The following CANT1 variants were observed in gnomAD, a reference collection of about 807,000 sequenced individuals.
CANT1 encodes the protein calcium activated nucleotidase 1.
A neutral mutation model predicts 30.0 loss-of-function variants in CANT1; 26 were observed. That is an observed-to-expected ratio of 0.87 (90% confidence interval 0.64 to 1.20). CANT1 has a LOEUF of 1.20. CANT1 is among the 50% of genes most tolerant of loss of function. The pLI, the probability that CANT1 is intolerant of heterozygous loss-of-function variation, is 0.00. For missense variants in CANT1, 518 were observed against 563.0 expected (o/e 0.92, Z 0.81); for synonymous variants, 246 against 251.8 (o/e 0.98, Z 0.22).
At chr17:78,994,524 G>A (rs1489045309) in intron 4 of CANT1, among the ~76,000 whole-genome samples, 3 of 152,336 alleles carry the variant, frequency 2.0e-5, no homozygotes, top group East Asian at 3.9e-4. Context: ...AGGGCGAGTG[G>A]GGCAGGAAAG....
chr17:78,991,765 G>A lies in CANT1; in HGVS notation c.*1785C>T. 1 of 219,054 alleles carries A rather than the reference G, an allele frequency of 4.6e-6. No homozygotes were observed. Among genetic ancestry groups the A allele is most frequent in the African/African-American group, 2.2e-5 (1 of 44,626 alleles). 13.6% of individuals were successfully genotyped at this position (219,054 alleles called of 1,614,324 possible). A position where few individuals can be genotyped will look rare whatever the true frequency, so the allele number is the denominator to read the frequency against. ...TTTACAAAACAGATGGATCCCATAG[G>A]GAAGGAACACAATCATTATGCTGAC... is the stretch of plus-strand genomic sequence containing the variant. On this transcript the variant is annotated 3_prime_UTR_variant, in exon 5 of 5. Transcript: ENST00000392446.
In CANT1 at chr17:78,993,452, GCA is replaced by G; in HGVS notation, c.*96_*97del. ...CTCCCTGTCCAGACCTCCAACCCAG[GCA>G]CAGTTCCAAAAAGAACAAAACAAAA... On this transcript the variant is annotated 3_prime_UTR_variant, in exon 5 of 5. Coordinates refer to ENST00000392446, the MANE Select transcript of CANT1 (RefSeq NM_001159773.2). This position sits in a 1 kb window ranked among gnomAD's most constrained non-coding sequence, Gnocchi z 4.5. 6.4e-7 allele frequency: 1 copy of G among 1,563,092 alleles called. No homozygotes were observed. Among genetic ancestry groups the G allele is most frequent in the South Asian group, 1.1e-5 (1 of 88,116 alleles).
At position 78,996,945 on chromosome 17, in the gene CANT1, C is replaced by T. The variant is rs1325061744; in HGVS notation, c.631+47G>A. On this transcript the variant is annotated intron_variant, in intron 3 of 4. Transcript: ENST00000392446. The surrounding 1 kb of genome is among the most constrained non-coding windows in gnomAD (Gnocchi z 5.1). ...CTGTGTTTGCCAGCCAGGCCCTGAG[C>T]TCCCACTCCCCACCCACACCTCCAT... The T allele has an allele frequency of 3.7e-6, 6 of 1,610,030 alleles. No individual in the cohort carries two copies. Among genetic ancestry groups the T allele is most frequent in the Non-Finnish European group, 5.1e-6 (6 of 1,179,640 alleles).
At position 78,992,797 on chromosome 17, in the gene CANT1, G is replaced by C. The variant is rs745568057; in HGVS notation, c.*753C>G. 4.1e-6 allele frequency: 2 copies of C among 483,798 alleles called. No homozygotes were observed. Among genetic ancestry groups the C allele is most frequent in the South Asian group, 3.6e-5 (2 of 55,832 alleles). The allele number at this position is 483,798 out of a possible 1,614,324, so 30.0% of individuals were successfully genotyped here. The stretch of plus-strand genomic sequence containing the variant: ...CTGGGTAACTACAGGACTGTGCTCT[G>C]TGTGATAAGATTTGGTGATTCCACT... On this transcript the variant is annotated 3_prime_UTR_variant, in exon 5 of 5. Coordinates refer to ENST00000392446, the MANE Select transcript of CANT1 (RefSeq NM_001159773.2).
intron 1 of CANT1, among the ~76,000 whole-genome samples, chr17:79,004,129 AGGAGTTGGG>A (rs1568043693): frequency 3.2e-3 from 6 of 1,880 alleles, no homozygotes; most frequent in Admixed American, 7.9e-3. Flanking sequence ...AGTTAGGGAG[AGGAGTTGGG>A]GGGGAGTTAG....
In CANT1 at chr17:78,993,360, T is replaced by A. The variant is rs2070899144; in HGVS notation, c.*190A>T. The A allele has an allele frequency of 2.7e-6, 2 of 739,316 alleles. No homozygotes were observed. Among genetic ancestry groups the A allele is most frequent in the Non-Finnish European group, 4.5e-6 (2 of 448,852 alleles). 45.8% of individuals were successfully genotyped at this position (739,316 alleles called of 1,614,324 possible). ...CACCAGATGGCAGCATGGAAAGCAG[T>A]TCAGACCGCGGCCTCCGTGGGGCCC... On this transcript the variant is annotated 3_prime_UTR_variant, in exon 5 of 5. Coordinates refer to ENST00000392446, the MANE Select transcript of CANT1 (RefSeq NM_001159773.2). This position sits in a 1 kb window ranked among gnomAD's most constrained non-coding sequence, Gnocchi z 4.5.
intron 1 of CANT1, among the ~76,000 whole-genome samples, chr17:79,006,490 TC>T: frequency 6.6e-6 from 1 of 152,184 alleles, no homozygotes; most frequent in South Asian, 2.1e-4. Context: ...GGGGAGCTGT[TC>T]CTCCACCAAT....
At position 78,992,880 on chromosome 17, in the gene CANT1, C is replaced by A; in HGVS notation, c.*670G>T. 1 of 364,418 alleles carries A rather than the reference C, an allele frequency of 2.7e-6. No individual in the cohort carries two copies. The highest frequency in any genetic ancestry group is 5.3e-6 in the Non-Finnish European group (1 of 188,620). 22.6% of individuals were successfully genotyped at this position (364,418 alleles called of 1,614,324 possible). A position where few individuals can be genotyped will look rare whatever the true frequency, so the allele number is the denominator to read the frequency against. ...GGTTAATAATTAAAACTTCAAAGTA[C>A]TGCACAGCCACAGAATTTTCTTGAA... On this transcript the variant is annotated 3_prime_UTR_variant, in exon 5 of 5. Transcript: ENST00000392446.
rs997971885 is a variant in CANT1, at chr17:78,992,157, G to A, written c.*1393C>T. 1 of 232,738 alleles carries A rather than the reference G, an allele frequency of 4.3e-6. No homozygotes were observed. The highest frequency in any genetic ancestry group is 8.5e-6 in the Non-Finnish European group (1 of 117,754). The allele number at this position is 232,738 out of a possible 1,614,324, so 14.4% of individuals were successfully genotyped here. A position where few individuals can be genotyped will look rare whatever the true frequency, so the allele number is the denominator to read the frequency against. ...CTCCACTACCTATGACATAGCGGGG[G>A]AAAGAGACAACCATGAGAGAGGGGT... On this transcript the variant is annotated 3_prime_UTR_variant, in exon 5 of 5. Transcript: ENST00000392446.
Position 78,995,347 on chromosome 17 carries a change from C to T in CANT1, c.632-126G>A. 1.9e-6 allele frequency: 2 copies of T among 1,040,488 alleles called. No individual in the cohort carries two copies. The highest frequency in any genetic ancestry group is 1.4e-6 in the Non-Finnish European group (1 of 701,444). 64.5% of individuals were successfully genotyped at this position (1,040,488 alleles called of 1,614,324 possible). On this transcript the variant is annotated intron_variant, in intron 3 of 4. Coordinates refer to ENST00000392446, the MANE Select transcript of CANT1 (RefSeq NM_001159773.2). This position sits in a 1 kb window ranked among gnomAD's most constrained non-coding sequence, Gnocchi z 5.7. ...GACTCCCGCCCGGCTCCACACCTGC[C>T]TCCCCTCCGGCCCGCACCTGGCTCC...
chr17:78,991,716 T>G lies in CANT1; in HGVS notation c.*1834A>C, dbSNP rs886618987. On this transcript the variant is annotated 3_prime_UTR_variant, in exon 5 of 5. Coordinates refer to ENST00000392446, the MANE Select transcript of CANT1 (RefSeq NM_001159773.2). The stretch of plus-strand genomic sequence containing the variant: ...CAGCACAGACCGGGAGACAGAAAAC[T>G]ACACTCCCTCAGACGCTTTATTGTT... 21 of 202,998 alleles carry G rather than the reference T, an allele frequency of 1.0e-4. No homozygotes were observed. The highest frequency in any genetic ancestry group is 4.4e-4 in the African/African-American group (19 of 43,560). The allele number at this position is 202,998 out of a possible 1,614,324, so 12.6% of individuals were successfully genotyped here. A position where few individuals can be genotyped will look rare whatever the true frequency, so the allele number is the denominator to read the frequency against.
rs566734856 is a variant in CANT1, at chr17:78,992,731, C to G, written c.*819G>C. 6.7e-6 allele frequency: 4 copies of G among 596,558 alleles called. No homozygotes were observed. Among genetic ancestry groups the G allele is most frequent in the Non-Finnish European group, 1.3e-5 (4 of 308,286 alleles). 37.0% of individuals were successfully genotyped at this position (596,558 alleles called of 1,614,324 possible). A position where few individuals can be genotyped will look rare whatever the true frequency, so the allele number is the denominator to read the frequency against. On this transcript the variant is annotated 3_prime_UTR_variant, in exon 5 of 5. Coordinates refer to ENST00000392446, the MANE Select transcript of CANT1 (RefSeq NM_001159773.2). ...GACATGTGAGACTTGCTTCACCAGC[C>G]GCCACCGCTTCCTTACAATCTCCCG...
chr17:79,009,057 T>C (rs1433759747), intron 1 of CANT1, among the ~76,000 whole-genome samples: 1 of 151,762 alleles, frequency 6.6e-6, no homozygotes, highest in Non-Finnish European at 1.5e-5. Flanking sequence ...TGGGAGGGGG[T>C]CATTCCCAGG....
intron 4 of CANT1, among the ~76,000 whole-genome samples, chr17:78,994,775 C>T (rs900404374): frequency 2.6e-5 from 4 of 152,180 alleles, no homozygotes; most frequent in African/African-American, 9.7e-5. Flanking sequence ...ATACAATTAG[C>T]TGGGCGTGGT....
Position 79,008,790 on chromosome 17 carries a change from C to T in CANT1, c.-147+874G>A, listed in dbSNP as rs2071638800. Among the ~76,000 whole-genome samples the T allele has an allele frequency of 6.6e-6, 1 of 152,112 alleles. No individual in the cohort carries two copies. The highest frequency in any genetic ancestry group is 2.4e-5 in the African/African-American group (1 of 41,398). Reference sequence around the variant, plus strand: ...GTCTCCAAGGATGAGAGAATCCAGACCGGATGGCAGTAGGGGTGTGAGACA... The same window carrying T: ...GTCTCCAAGGATGAGAGAATCCAGATCGGATGGCAGTAGGGGTGTGAGACA... On this transcript the variant is annotated intron_variant, in intron 1 of 4. Transcript: ENST00000392446. This position sits in a 1 kb window ranked among gnomAD's most constrained non-coding sequence, Gnocchi z 4.4.
chr17:78,992,756 G>A lies in CANT1; in HGVS notation c.*794C>T, dbSNP rs766636091. On this transcript the variant is annotated 3_prime_UTR_variant, in exon 5 of 5. Coordinates refer to ENST00000392446, the MANE Select transcript of CANT1 (RefSeq NM_001159773.2). ...CGCCACCGCTTCCTTACAATCTCCCGCACTGCTGGAGCGGGCTGGGTAACT... is the reference window on the plus strand; with the variant it reads ...CGCCACCGCTTCCTTACAATCTCCCACACTGCTGGAGCGGGCTGGGTAACT... 8.4e-6 allele frequency: 5 copies of A among 592,688 alleles called. No individual in the cohort carries two copies. In the East Asian group the frequency reaches 1.4e-4, roughly 16 times the overall value. The allele number at this position is 592,688 out of a possible 1,614,324, so 36.7% of individuals were successfully genotyped here.
chr17:78,993,765 C>G lies in CANT1; in HGVS notation c.991G>C (p.Ala331Pro), dbSNP rs1345658200. ...LSASPDFGDI[A>P]VSHVGAVVPT... The stretch of plus-strand genomic sequence containing the variant: ...ACCACCGCCCCGACGTGGCTCACAG[C>G]GATGTCGCCGAAGTCAGGGGAGGCG... The change falls in exon 5 of 5, where the codon GCT (alanine) becomes CCT (proline). Residue 331 changes from alanine to proline, a missense_variant. Around this residue, in one of 3 missense-constraint regions of CANT1, gnomAD observed 221 missense variants for 211.8 expected, o/e 1.04. Transcript: ENST00000392446. This position sits in a 1 kb window ranked among gnomAD's most constrained non-coding sequence, Gnocchi z 4.5. The G allele has an allele frequency of 2.5e-6, 4 of 1,613,328 alleles. No homozygotes were observed. The highest frequency in any genetic ancestry group is 8.5e-7 in the Non-Finnish European group (1 of 1,179,996).
intron 1 of CANT1, among the ~76,000 whole-genome samples, chr17:79,004,310 A>G (rs1414727930): frequency 7.1e-5 from 1 of 14,062 alleles, no homozygotes; most frequent in African/African-American, 2.5e-4. Context: ...AGTTAGGGAG[A>G]GGGGAGTTAG....
At chr17:79,001,111 C>G (rs776242972) in intron 1 of CANT1, among the ~76,000 whole-genome samples, 1 of 152,200 alleles carries the variant, frequency 6.6e-6, no homozygotes, top group Admixed American at 6.5e-5. Flanking sequence ...GCTGCAGGCC[C>G]GGGAAGACGG....
Sources: gnomAD v4.1 joint callset for allele counts (sites outside exome capture counted in the v4.1 genomes callset) on GRCh38, gnomAD v4.1.1 for gene constraint, gnomAD v4.1.1 regional missense constraint, Gnocchi (gnomAD v3.1) non-coding constraint, MANE v1.5 for transcripts, NCBI Gene and HGNC (gene_info 2026-07-23, HGNC 2026-07-21) for gene names.